Variants in NLRP3 observed in about 807,000 individuals in gnomAD.
NLRP3 encodes the protein NACHT, LRR and PYD domains-containing protein 3.
A neutral mutation model predicts 91.3 loss-of-function variants in NLRP3; 48 were observed. The ratio of observed to expected loss-of-function variants is 0.53; its 90% CI spans 0.42 to 0.67. The LOEUF is 0.67. Ranked by LOEUF, NLRP3 falls within the 30% of genes least tolerant of loss-of-function variation. The pLI is 0.00. For missense variants in NLRP3, 982 were observed against 1,276.9 expected, an observed-to-expected ratio of 0.77 and a Z score of 3.52; for synonymous variants, 561 against 507.9, an observed-to-expected ratio of 1.10 and a Z score of -1.41.
At position 247,423,294 on chromosome 1, in the gene NLRP3, G is replaced by A. The variant is rs1166049646; in HGVS notation, c.342G>A (p.Glu114=). 2 of 1,613,844 alleles carry A rather than the reference G, an allele frequency of 1.2e-6. No individual in the cohort carries two copies. Among genetic ancestry groups the A allele is most frequent in the East Asian group, 2.2e-5 (1 of 44,882 alleles). The change falls in exon 3 of 10, where the codon GAG becomes GAA. Residue 114 remains glutamate, a synonymous_variant. Coordinates refer to ENST00000336119, the MANE Select transcript of NLRP3 (RefSeq NM_001243133.2). ...VICQEDSIEE[E]WMGLLEYLSR... ...GCCAGGAAGACAGCATTGAAGAGGA[G>A]TGGATGGGTTTACTGGAGTACCTTT...
chr1:247,437,298 A>T (rs1046789319), intron 7 of NLRP3, among the ~76,000 whole-genome samples: 8 of 152,218 alleles, frequency 5.3e-5, no homozygotes, highest in Admixed American at 4.6e-4. Context: ...CATTCACATT[A>T]TTAATATATA....
intron 7 of NLRP3, among the ~76,000 whole-genome samples, chr1:247,440,229 C>T (rs182152747): frequency 6.6e-6 from 1 of 152,338 alleles, no homozygotes; most frequent in East Asian, 1.9e-4. Context: ...AAGGGTCACA[C>T]ATGCTGAGCA....
At chr1:247,423,614 C>T (rs1400880233) in intron 3 of NLRP3, among the ~76,000 whole-genome samples, 1 of 152,028 alleles carries the variant, frequency 6.6e-6, no homozygotes, top group African/African-American at 2.4e-5. Flanking sequence ...AAGATTGATT[C>T]AAATGATCTT....
At chr1:247,448,380 C>T in intron 9 of NLRP3, 25 bp from the exon 10 acceptor site, 1 of 1,352,104 alleles carries the variant, frequency 7.4e-7, no homozygotes. Flanking sequence ...AGAGTGCAAC[C>T]CAGGCTTTCT....
At chr1:247,443,278 A>G (rs1256814966) in intron 7 of NLRP3, among the ~76,000 whole-genome samples, 1 of 150,880 alleles carries the variant, frequency 6.6e-6, no homozygotes, top group Non-Finnish European at 1.5e-5. Flanking sequence ...CACCCAGGCT[A>G]GAGTGTGGCA....
In NLRP3 at chr1:247,437,722, T is replaced by G. The variant is rs369709586; in HGVS notation, c.2663+1582T>G. On this transcript the variant is annotated intron_variant, in intron 7 of 9. Transcript: ENST00000336119. ...GTTCTTTTAGGGAAGTGATAACAGA[T>G]AATAGACATGCTAAACAATATACCC... is the stretch of plus-strand genomic sequence containing the variant. Among the ~76,000 whole-genome samples, 12 of 152,320 alleles carry G rather than the reference T, an allele frequency of 7.9e-5. No individual in the cohort carries two copies. The East Asian group carries it at 2.3e-3, about 29-fold the overall frequency.
chr1:247,447,717 T>C (rs1664676143), intron 9 of NLRP3, among the ~76,000 whole-genome samples: 1 of 152,252 alleles, frequency 6.6e-6, no homozygotes, highest in African/African-American at 2.4e-5. Context: ...CATACAGTGA[T>C]ACTAAGAAAT....
chr1:247,434,375 C>A, intron 6 of NLRP3, 102 bp downstream of exon 6: 2 of 1,269,316 alleles, frequency 1.6e-6, no homozygotes, highest in Non-Finnish European at 2.3e-6. Flanking sequence ...TGAGAATGGC[C>A]TTGGCGGCTC....
chr1:247,443,944 G>A (rs1166198136), intron 7 of NLRP3, 28 bp from the exon 8 acceptor site: 7 of 1,612,324 alleles, frequency 4.3e-6, no homozygotes, highest in East Asian at 4.5e-5. Flanking sequence ...GCTGGGTACT[G>A]AGGACTCTTC....
chr1:247,431,491 C>T lies in NLRP3; in HGVS notation c.2321+1736C>T, dbSNP rs142839413. 2.3e-4 allele frequency among the ~76,000 whole-genome samples: 35 copies of T among 152,292 alleles called. 1 individual carries two copies. The highest frequency in any genetic ancestry group is 1.0e-3 in the Admixed American group (16 of 15,294). ...TTTTCCTCGTCCTCACCCCACCAGC[C>T]CAGGTCCAGCAACTGTCACCACTTG... is the stretch of plus-strand genomic sequence containing the variant. On this transcript the variant is annotated intron_variant, in intron 5 of 9. Coordinates refer to ENST00000336119, the MANE Select transcript of NLRP3 (RefSeq NM_001243133.2).
Position 247,418,693 on chromosome 1 carries a change from C to T in NLRP3, c.-108C>T. 2 of 1,308,084 alleles carry T rather than the reference C, an allele frequency of 1.5e-6. No homozygotes were observed. Among genetic ancestry groups the T allele is most frequent in the South Asian group, 1.2e-5 (1 of 80,872 alleles). The allele number at this position is 1,308,084 out of a possible 1,614,324, so 81.0% of individuals were successfully genotyped here. A position where few individuals can be genotyped will look rare whatever the true frequency, so the allele number is the denominator to read the frequency against. The stretch of plus-strand genomic sequence containing the variant: ...TTGCTGAGTTTTTGATAATTTATAT[C>T]TCTCAAAGTGGAGACTTTAAAAAAG... On this transcript the variant is annotated 5_prime_UTR_variant, in exon 2 of 10. Transcript: ENST00000336119.
chr1:247,423,221 C>T lies in NLRP3; in HGVS notation c.278-9C>T, dbSNP rs753325149. ...TTCTGGGTTTTGACACCTTTTTTTT[C>T]CCTTTTAGGTTCAGATAATGCACGT... On this transcript the variant is annotated splice_polypyrimidine_tract_variant and intron_variant, in intron 2 of 9. Coordinates refer to ENST00000336119, the MANE Select transcript of NLRP3 (RefSeq NM_001243133.2). 6.2e-7 allele frequency: 1 copy of T among 1,613,516 alleles called. No homozygotes were observed. Among genetic ancestry groups the T allele is most frequent in the South Asian group, 1.1e-5 (1 of 91,064 alleles).
In NLRP3 at chr1:247,425,433, A is replaced by G. The variant is rs2103113474; in HGVS notation, c.1984A>G (p.Met662Val). The G allele has an allele frequency of 6.2e-7, 1 of 1,614,186 alleles. No individual in the cohort carries two copies. Among genetic ancestry groups the G allele is most frequent in the African/African-American group, 1.3e-5 (1 of 75,062 alleles). The change falls in exon 4 of 10, where the codon ATG (methionine) becomes GTG (valine). Residue 662 changes from methionine (M) to valine (V), a missense_variant. By Grantham distance (21) the Met-to-Val change is conservative. Coordinates refer to ENST00000336119, the MANE Select transcript of NLRP3 (RefSeq NM_001243133.2). The surrounding 1 kb of genome is among the most constrained non-coding windows in gnomAD (Gnocchi z 4.1). ...EINLSTRMDH[M>V]VSSFCIENCH... ...CAATCTCTCCACCAGAATGGACCAC[A>G]TGGTTTCTTCCTTTTGCATTGAGAA...
Position 247,433,920 on chromosome 1 carries a change from C to T in NLRP3, c.2322-183C>T, listed in dbSNP as rs949644302. On this transcript the variant is annotated intron_variant, in intron 5 of 9. Transcript: ENST00000336119. ...ATGTGTTCTGATGCTTTCTCTATTC[C>T]GGAGCTCTCTGGTCAGGTGTGTTCT... Among the ~76,000 whole-genome samples, 30 of 116,128 alleles carry T rather than the reference C, an allele frequency of 2.6e-4. 1 individual carries two copies. The highest frequency in any genetic ancestry group is 4.2e-4 in the Non-Finnish European group (23 of 54,720). The allele number at this position is 116,128 out of a possible 152,430, so 76.2% of individuals were successfully genotyped here.
rs1483233527 is a variant in NLRP3, at chr1:247,425,340, T to C, written c.1891T>C (p.Cys631Arg). The change falls in exon 4 of 10, where the codon TGT becomes CGT. Residue 631 changes from cysteine (C) to arginine (R), a missense_variant. Around this residue, in one of 5 missense-constraint regions of NLRP3, gnomAD observed 373 missense variants for 431.5 expected, o/e 0.86. Coordinates refer to ENST00000336119, the MANE Select transcript of NLRP3 (RefSeq NM_001243133.2). The surrounding 1 kb of genome is among the most constrained non-coding windows in gnomAD (Gnocchi z 4.1). ...GCCCAGCCAGCTGGAATTGTTCTAC[T>C]GTTTGTACGAGATGCAGGAGGAGGA... Reference protein sequence around the residue: ...IQPSQLELFYCLYEMQEEDFV... With the variant: ...IQPSQLELFYRLYEMQEEDFV... The C allele has an allele frequency of 6.2e-7, 1 of 1,614,210 alleles. No homozygotes were observed. The highest frequency in any genetic ancestry group is 1.1e-5 in the South Asian group (1 of 91,082).
intron 4 of NLRP3, 50 bp from the exon 5 acceptor site, chr1:247,429,535 T>C: frequency 1.2e-6 from 2 of 1,600,680 alleles, no homozygotes; most frequent in Non-Finnish European, 1.7e-6. Context: ...TCCAGTTAGT[T>C]ATTATTCGAG....
At chr1:247,438,384 T>G (rs1663948870) in intron 7 of NLRP3, among the ~76,000 whole-genome samples, 1 of 140,024 alleles carries the variant, frequency 7.1e-6, no homozygotes, top group Admixed American at 7.6e-5. Flanking sequence ...TTGTGTTTTT[T>G]TTTTTTTTTT....
chr1:247,443,392 T>C (rs1415986303), intron 7 of NLRP3, among the ~76,000 whole-genome samples: 2 of 151,952 alleles, frequency 1.3e-5, no homozygotes, highest in African/African-American at 4.8e-5. Flanking sequence ...GAAAGGGGCA[T>C]TTGGGGGCGC....
At chr1:247,446,423 C>G (rs1394399642) in intron 9 of NLRP3, among the ~76,000 whole-genome samples, 2 of 152,208 alleles carry the variant, frequency 1.3e-5, no homozygotes, top group East Asian at 3.8e-4. Context: ...GGCTTCCATG[C>G]CCCACATAAT....
Sources: gnomAD v4.1 joint callset for allele counts (sites outside exome capture counted in the v4.1 genomes callset) on GRCh38, gnomAD v4.1.1 for gene constraint, gnomAD v4.1.1 regional missense constraint, Gnocchi (gnomAD v3.1) non-coding constraint, MANE v1.5 for transcripts, NCBI Gene and HGNC (gene_info 2026-07-23, HGNC 2026-07-21) for gene names.